The following QRICH1 variants were observed in gnomAD, a reference collection of about 807,000 sequenced individuals.
QRICH1 encodes the protein transcriptional regulator QRICH1.
In QRICH1, 16 loss-of-function variants were observed where a neutral mutation model predicts 87.1. The ratio of observed to expected loss-of-function variants is 0.18; its 90% confidence interval spans 0.12 to 0.28. The LOEUF (loss-of-function observed/expected upper bound fraction) is 0.28, where lower values mean the gene tolerates loss of function less well. QRICH1 is among the 10% of genes least tolerant of loss of function. QRICH1 has a pLI of 1.00. For missense variants in QRICH1, 647 were observed against 951.7 expected, an observed-to-expected ratio of 0.68 and a Z score of 4.21; for synonymous variants, 367 against 368.4, an observed-to-expected ratio of 1.00 and a Z score of 0.05.
At chr3:49,080,652 C>T (rs1230254380) in intron 1 of QRICH1, among the ~76,000 whole-genome samples, 1 of 152,024 alleles carries the variant, frequency 6.6e-6, no homozygotes, top group Non-Finnish European at 1.5e-5. Context: ...TTCAGAAACT[C>T]AGAAGGGGCA....
chr3:49,087,412 T>G (rs1232674982), intron 1 of QRICH1, among the ~76,000 whole-genome samples: 1 of 147,512 alleles, frequency 6.8e-6, no homozygotes, highest in Admixed American at 6.8e-5. Context: ...ATTAGCCAGG[T>G]GTGGTGCCTG....
chr3:49,047,684 T>C (rs1302339644), intron 3 of QRICH1, among the ~76,000 whole-genome samples: 1 of 151,986 alleles, frequency 6.6e-6, no homozygotes, highest in Non-Finnish European at 1.5e-5. Flanking sequence ...AGTTTCGCCA[T>C]GTTGGTCAGG....
rs1426737006 is a variant in QRICH1, at chr3:49,044,514, A to G, written c.1672-10T>C. 3 of 1,563,008 alleles carry G rather than the reference A, an allele frequency of 1.9e-6. No individual in the cohort carries two copies. The highest frequency in any genetic ancestry group is 2.6e-6 in the Non-Finnish European group (3 of 1,136,118). ...CATTTTCAAAAAGATACTAAAAGAA[A>G]AACAATTAATAGAAGTTATTGGTAG... is the stretch of plus-strand genomic sequence containing the variant. On this transcript the variant is annotated splice_polypyrimidine_tract_variant and intron_variant, in intron 5 of 9. Coordinates refer to ENST00000395443, the MANE Select transcript of QRICH1 (RefSeq NM_198880.3).
At chr3:49,030,882 C>T (rs766595409) in intron 9 of QRICH1, among the ~76,000 whole-genome samples, 7 of 152,132 alleles carry the variant, frequency 4.6e-5, no homozygotes, top group Non-Finnish European at 7.4e-5. Context: ...CAGCTGTGAT[C>T]CATCACTGAC....
upstream of QRICH1, chr3:49,094,363 T>G: frequency 7.7e-6 from 2 of 259,076 alleles, no homozygotes; most frequent in Non-Finnish European, 1.5e-5. Context: ...GAGCCTCCTT[T>G]GGTCGAGCAC....
rs771628917 is a variant in QRICH1, at chr3:49,057,122, TCTC to T, written c.1075_1077del (p.Glu359del). The T allele has an allele frequency of 1.9e-6, 3 of 1,614,154 alleles. No homozygotes were observed. Among genetic ancestry groups the T allele is most frequent in the Non-Finnish European group, 2.5e-6 (3 of 1,180,026 alleles). ...ACTACAGATGTGGTGCCCACCATCT[TCTC>T]CTTGTCATCCTCCAGCTTAACAGCT... On this transcript the variant is annotated inframe_deletion, in exon 3 of 10. Coordinates refer to ENST00000395443, the MANE Select transcript of QRICH1 (RefSeq NM_198880.3). This position sits in a 1 kb window ranked among gnomAD's most constrained non-coding sequence, Gnocchi z 5.4.
intron 2 of QRICH1, among the ~76,000 whole-genome samples, chr3:49,068,450 T>A (rs538501376): frequency 7.6e-4 from 102 of 134,134 alleles, no homozygotes; most frequent in African/African-American, 2.9e-3. Flanking sequence ...AGAGCAGGAC[T>A]CCGTCTCAAA....
intron 2 of QRICH1, chr3:49,058,125 T>G: frequency 1.5e-6 from 1 of 653,764 alleles, no homozygotes; most frequent in Non-Finnish European, 2.4e-6. Flanking sequence ...GACAATTAAC[T>G]GGGGCCTAAA....
At chr3:49,093,042 G>A (rs2042307818) in intron 1 of QRICH1, among the ~76,000 whole-genome samples, 1 of 152,202 alleles carries the variant, frequency 6.6e-6, no homozygotes, top group Non-Finnish European at 1.5e-5. Context: ...GGAGCGCACA[G>A]AGGTGACGTG....
chr3:49,075,689 C>T (rs1307636738), intron 2 of QRICH1, among the ~76,000 whole-genome samples: 2 of 152,026 alleles, frequency 1.3e-5, no homozygotes, highest in South Asian at 2.1e-4. Context: ...ACCAGTAATC[C>T]CAGCACTTTG....
At chr3:49,035,920 A>AC (rs1238331164) in intron 6 of QRICH1, among the ~76,000 whole-genome samples, 5 of 87,684 alleles carry the variant, frequency 5.7e-5, no homozygotes, top group East Asian at 2.4e-3. Flanking sequence ...ACAAAAAAAA[A>AC]AAAAAAAACA....
intron 1 of QRICH1, among the ~76,000 whole-genome samples, chr3:49,082,514 T>C (rs1267706627): frequency 6.6e-6 from 1 of 151,956 alleles, no homozygotes; most frequent in African/African-American, 2.4e-5. Flanking sequence ...ATAAGCTAGA[T>C]ATTCAGCTGT....
At chr3:49,040,822 T>C (rs184365914) in intron 6 of QRICH1, among the ~76,000 whole-genome samples, 1 of 152,364 alleles carries the variant, frequency 6.6e-6, no homozygotes, top group Non-Finnish European at 1.5e-5. Context: ...TTGTGTCTTT[T>C]TGCATTTCCA....
intron 2 of QRICH1, among the ~76,000 whole-genome samples, chr3:49,058,214 A>T (rs1272586220): frequency 6.6e-6 from 1 of 152,166 alleles, no homozygotes; most frequent in South Asian, 2.1e-4. Context: ...CAGTGGCGCA[A>T]TCTCAGCTCA....
Position 49,032,246 on chromosome 3 carries a change from G to C in QRICH1, c.2075C>G (p.Thr692Arg), listed in dbSNP as rs773480331. ...TCTCAATGGATTCTCTGGATTTTCC[G>C]TCTGTTCTGCATACATGTCATCTGT... ...KVTDDMYAEQ[T>R]ENPENPLRCP... is the part of the protein sequence containing the mutation. Residue 692 changes from threonine (T) to arginine (R), a missense_variant, in exon 9 of 10, where the codon ACG becomes AGG. Thr to Arg is a moderately conservative substitution (Grantham distance 71). This residue lies in a region of QRICH1 where 187 missense variants were observed against 309.5 expected (regional missense o/e 0.60). Transcript: ENST00000395443. 6.2e-7 allele frequency: 1 copy of C among 1,613,696 alleles called. No individual in the cohort carries two copies. The highest frequency in any genetic ancestry group is 8.5e-7 in the Non-Finnish European group (1 of 1,179,622).
At chr3:49,049,077 GT>G (rs1429254632) in intron 3 of QRICH1, among the ~76,000 whole-genome samples, 1 of 151,520 alleles carries the variant, frequency 6.6e-6, no homozygotes, top group Non-Finnish European at 1.5e-5. Flanking sequence ...AATTTTTGTA[GT>G]TTTCGTAGAG....
At chr3:49,080,966 CAAAAAAAAAAAA>C (rs34230924) in intron 1 of QRICH1, among the ~76,000 whole-genome samples, 2 of 24,806 alleles carry the variant, frequency 8.1e-5, no homozygotes, top group Non-Finnish European at 1.3e-4. Flanking sequence ...AACTCCATCT[CAAAAAAAAAAAA>C]AAAAAAAAAA....
At chr3:49,090,140 C>T (rs1336379564) in intron 1 of QRICH1, among the ~76,000 whole-genome samples, 2 of 152,074 alleles carry the variant, frequency 1.3e-5, no homozygotes, top group African/African-American at 4.8e-5. Flanking sequence ...TAGTGAAACT[C>T]CGTCTCTACT....
At chr3:49,046,184 C>T (rs1325753209) in intron 5 of QRICH1, among the ~76,000 whole-genome samples, 1 of 151,322 alleles carries the variant, frequency 6.6e-6, no homozygotes, top group East Asian at 1.9e-4. Flanking sequence ...TCCCAAAGCG[C>T]TGGGATTACA....
Sources: gnomAD v4.1 joint callset for allele counts (sites outside exome capture counted in the v4.1 genomes callset) on GRCh38, gnomAD v4.1.1 for gene constraint, gnomAD v4.1.1 regional missense constraint, Gnocchi (gnomAD v3.1) non-coding constraint, MANE v1.5 for transcripts, NCBI Gene and HGNC (gene_info 2026-07-23, HGNC 2026-07-21) for gene names.